Variants in SPAG9 observed in about 807,000 individuals in gnomAD.
SPAG9 encodes the protein sperm associated antigen 9.
SPAG9 carries 35 observed loss-of-function variants against 166.5 expected under a neutral mutation model. The observed-to-expected ratio is 0.21, with a 90% CI of 0.16 to 0.28. SPAG9 has a LOEUF of 0.28. Among genes scored for constraint, SPAG9 ranks in the 10% least tolerant of loss-of-function variants. The pLI, the probability that SPAG9 is intolerant of heterozygous loss-of-function variation, is 1.00. For missense variants in SPAG9, 1,235 were observed against 1,603.3 expected (o/e 0.77, Z 3.92); for synonymous variants, 534 against 565.5 (o/e 0.94, Z 0.79).
intron 5 of SPAG9, chr17:51,031,957 T>C: frequency 1.6e-6 from 1 of 644,946 alleles, no homozygotes; most frequent in Non-Finnish European, 2.9e-6. Context: ...CTTATACTTA[T>C]CAACATGCAG....
At chr17:51,076,982 T>TTATC (rs2047988325) in intron 2 of SPAG9, among the ~76,000 whole-genome samples, 1 of 99,414 alleles carries the variant, frequency 1.0e-5, no homozygotes, top group African/African-American at 3.8e-5. Flanking sequence ...TCTATCTATC[T>TTATC]TATCTAGCTA....
At chr17:50,999,816 A>C in intron 13 of SPAG9, 99 bp from the exon 14 acceptor site, 2 of 908,444 alleles carry the variant, frequency 2.2e-6, no homozygotes, top group Non-Finnish European at 3.5e-6. Context: ...GGATACACAG[A>C]GGGGAGTCAA....
chr17:51,077,183 G>A (rs956286564), intron 2 of SPAG9, among the ~76,000 whole-genome samples: 1 of 151,744 alleles, frequency 6.6e-6, no homozygotes, highest in Admixed American at 6.6e-5. Context: ...AAGTGTAGTG[G>A]TGTGATCTCG....
chr17:51,013,452 A>C (rs2045572468), intron 9 of SPAG9, among the ~76,000 whole-genome samples: 1 of 152,108 alleles, frequency 6.6e-6, no homozygotes, highest in African/African-American at 2.4e-5. Context: ...TGCCTACTCA[A>C]CTCTGCTGTT....
intron 1 of SPAG9, among the ~76,000 whole-genome samples, chr17:51,095,376 G>C (rs1034312895): frequency 3.3e-5 from 5 of 149,840 alleles, no homozygotes; most frequent in African/African-American, 1.2e-4. Context: ...TTGGGAGACT[G>C]AAGGGGCAGA....
At position 50,979,931 on chromosome 17, in the gene SPAG9, T is replaced by A. The variant is rs1257188853; in HGVS notation, c.3238-14A>T. The A allele has an allele frequency of 1.2e-6, 2 of 1,604,714 alleles. No individual in the cohort carries two copies. Among genetic ancestry groups the A allele is most frequent in the Non-Finnish European group, 1.7e-6 (2 of 1,171,906 alleles). On this transcript the variant is annotated splice_polypyrimidine_tract_variant and intron_variant, in intron 25 of 29. Coordinates refer to ENST00000262013, the MANE Select transcript of SPAG9 (RefSeq NM_001130528.3). ...ATCAAAAGATTTCTAGGAGAGATTG[T>A]CCAATCACAAAGTTACTTTTGCTAC...
At chr17:51,075,616 G>C (rs2047948650) in intron 2 of SPAG9, among the ~76,000 whole-genome samples, 1 of 152,122 alleles carries the variant, frequency 6.6e-6, no homozygotes, top group African/African-American at 2.4e-5. Context: ...TTGAGACCAG[G>C]AGTTCGAGAC....
In SPAG9 at chr17:50,996,707, A is replaced by C. The variant is rs774731744; in HGVS notation, c.1839-13T>G. 1 of 1,613,408 alleles carries C rather than the reference A, an allele frequency of 6.2e-7. No homozygotes were observed. The highest frequency in any genetic ancestry group is 8.5e-7 in the Non-Finnish European group (1 of 1,179,504). On this transcript the variant is annotated splice_polypyrimidine_tract_variant and intron_variant, in intron 15 of 29. Transcript: ENST00000262013. ...ACTAGCTTCAGTTCTAAAAGGAAAA[A>C]AGATTTTCCTAATTACATGAATACG...
Position 50,979,777 on chromosome 17 carries a change from C to T in SPAG9, c.3378G>A (p.Val1126=), listed in dbSNP as rs1974460327. ...TTTTGCTTACATAAGGCTCAATGTC[C>T]ACATCCTGTAGATGTTGATAAGTGT... ...HAHTYQHLQD[V]DIEPYVSKML... The change falls in exon 26 of 30, where the codon GTG becomes GTA. Residue 1126 remains valine, a synonymous_variant. Coordinates refer to ENST00000262013, the MANE Select transcript of SPAG9 (RefSeq NM_001130528.3). 6.2e-7 allele frequency: 1 copy of T among 1,613,126 alleles called. No individual in the cohort carries two copies. Among genetic ancestry groups the T allele is most frequent in the Non-Finnish European group, 8.5e-7 (1 of 1,179,280 alleles).
intron 1 of SPAG9, among the ~76,000 whole-genome samples, chr17:51,110,605 C>T (rs2049080727): frequency 6.6e-6 from 1 of 152,124 alleles, no homozygotes; most frequent in Non-Finnish European, 1.5e-5. Flanking sequence ...GGAAGGATGG[C>T]TTGAGCCCAA....
At chr17:50,993,176 C>T (rs1444536776) in intron 19 of SPAG9, among the ~76,000 whole-genome samples, 5 of 148,818 alleles carry the variant, frequency 3.4e-5, no homozygotes, top group East Asian at 3.9e-4. Flanking sequence ...ATTAGCCGGG[C>T]GTGGTGGCAG....
At chr17:51,027,921 C>G (rs1369751668) in intron 6 of SPAG9, among the ~76,000 whole-genome samples, 1 of 152,072 alleles carries the variant, frequency 6.6e-6, no homozygotes, top group African/African-American at 2.4e-5. Context: ...GAGGTGATAG[C>G]TCCATGTGTG....
intron 19 of SPAG9, among the ~76,000 whole-genome samples, chr17:50,992,111 C>T (rs557340484): frequency 1.1e-3 from 160 of 151,754 alleles, no homozygotes; most frequent in African/African-American, 3.6e-3. Flanking sequence ...TGGTCTCAAA[C>T]TTCTGGGCTC....
chr17:51,105,014 T>C (rs1311133199), intron 1 of SPAG9, among the ~76,000 whole-genome samples: 9 of 150,618 alleles, frequency 6.0e-5, no homozygotes, highest in African/African-American at 2.2e-4. Flanking sequence ...GAGAATGGTG[T>C]GAACTGGGGA....
At chr17:51,029,686 C>T (rs898526385) in intron 6 of SPAG9, among the ~76,000 whole-genome samples, 2 of 152,088 alleles carry the variant, frequency 1.3e-5, no homozygotes, top group Non-Finnish European at 1.5e-5. Flanking sequence ...CTACATAATT[C>T]TATTTATGTG....
At chr17:51,071,279 A>G (rs1433797776) in intron 2 of SPAG9, among the ~76,000 whole-genome samples, 1 of 152,208 alleles carries the variant, frequency 6.6e-6, no homozygotes, top group Non-Finnish European at 1.5e-5. Context: ...ATAAATATAA[A>G]AAGTACTTTC....
chr17:51,066,414 A>G (rs1449809086), intron 2 of SPAG9, among the ~76,000 whole-genome samples: 1 of 151,738 alleles, frequency 6.6e-6, no homozygotes, highest in Non-Finnish European at 1.5e-5. Context: ...TCCAGTCCCC[A>G]TTATGTTTTA....
Position 50,993,805 on chromosome 17 carries a change from G to A in SPAG9, c.2357C>T (p.Thr786Ile), listed in dbSNP as rs1289071712. 1 of 1,614,036 alleles carries A rather than the reference G, an allele frequency of 6.2e-7. No homozygotes were observed. Among genetic ancestry groups the A allele is most frequent in the Non-Finnish European group, 8.5e-7 (1 of 1,180,028 alleles). Residue 786 changes from threonine to isoleucine, a missense_variant, in exon 19 of 30, where the codon ACT becomes ATT. By Grantham distance (89) the Thr-to-Ile change is moderately conservative. This residue lies in a region of SPAG9 where 493 missense variants were observed against 559.4 expected (regional missense o/e 0.88). Coordinates refer to ENST00000262013, the MANE Select transcript of SPAG9 (RefSeq NM_001130528.3). ...VQPGNILDSF[T>I]VCNSHVLCIA... ...GCACAGAACATGAGAGTTGCAAACA[G>A]TGAAACTGTCTAGGATGTTGCCAGG...
In SPAG9 at chr17:51,005,972, T is replaced by C. The variant is rs567496727; in HGVS notation, c.1424+113A>G. 3.2e-6 allele frequency: 4 copies of C among 1,239,884 alleles called. No homozygotes were observed. The African/African-American group carries it at 4.5e-5, about 14-fold the overall frequency. The allele number at this position is 1,239,884 out of a possible 1,614,324, so 76.8% of individuals were successfully genotyped here. A position where few individuals can be genotyped will look rare whatever the true frequency, so the allele number is the denominator to read the frequency against. On this transcript the variant is annotated intron_variant, in intron 11 of 29. Transcript: ENST00000262013. Reference sequence around the variant, plus strand: ...CACTTTGCCCTCTCCCAGGCAGCTCTTGGCCTTCCAGGCTTGAGTGGACAG... The same window carrying C: ...CACTTTGCCCTCTCCCAGGCAGCTCCTGGCCTTCCAGGCTTGAGTGGACAG...
Sources: allele counts gnomAD v4.1 joint callset (sites outside exome capture counted in the v4.1 genomes callset), GRCh38; gene constraint gnomAD v4.1.1; regional missense constraint gnomAD v4.1.1; transcripts MANE v1.5; gene names NCBI Gene and HGNC (gene_info 2026-07-23, HGNC 2026-07-21).